Variants in CACNA1C observed in about 807,000 individuals in gnomAD.
CACNA1C encodes the protein calcium voltage-gated channel subunit alpha1 C, also known as voltage-dependent L-type calcium channel subunit alpha-1C.
CACNA1C carries 30 observed loss-of-function variants against 229.0 expected under a neutral mutation model. That is an observed-to-expected ratio of 0.13 (90% CI 0.10 to 0.18). The LOEUF is 0.18. Among genes scored for constraint, CACNA1C ranks in the 10% least tolerant of loss-of-function variants. CACNA1C has a pLI of 1.00. For synonymous variants in CACNA1C, 1,114 were observed against 1,132.5 expected (o/e 0.98, Z 0.33); for missense variants, 1,658 against 2,845.0 (o/e 0.58, Z 9.49).
chr12:2,250,868 C>T (rs1454307225), intron 3 of CACNA1C, among the ~76,000 whole-genome samples: 1 of 152,206 alleles, frequency 6.6e-6, no homozygotes, highest in Non-Finnish European at 1.5e-5. Flanking sequence ...TAGTCTTCAG[C>T]CTTGAAGCTG....
Position 2,696,617 on chromosome 12 carries a change from A to G in CACNA1C, c.*5418A>G, listed in dbSNP as rs2097844261. 2 of 152,122 alleles carry G rather than the reference A, an allele frequency of 1.3e-5. No individual in the cohort carries two copies. Among genetic ancestry groups the G allele is most frequent in the Admixed American group, 1.3e-4 (2 of 15,284 alleles). 9.4% of individuals were successfully genotyped at this position (152,122 alleles called of 1,614,324 possible). A position where few individuals can be genotyped will look rare whatever the true frequency, so the allele number is the denominator to read the frequency against. On this transcript the variant is annotated 3_prime_UTR_variant, in exon 47 of 47. Transcript: ENST00000399655. ...AGGTCATTATCCAAAAAAAAAAAAAAAAAGCTCTGGGTGGAAGAGTTTGTA... is the reference window on the plus strand; with the variant it reads ...AGGTCATTATCCAAAAAAAAAAAAAGAAAGCTCTGGGTGGAAGAGTTTGTA...
chr12:2,266,136 A>G (rs1303905156), intron 3 of CACNA1C, among the ~76,000 whole-genome samples: 2 of 152,226 alleles, frequency 1.3e-5, no homozygotes, highest in Non-Finnish European at 2.9e-5. Flanking sequence ...TGTGCCCATC[A>G]TTGGGCAAAA....
At chr12:2,570,592 C>G (rs2053819848) in intron 13 of CACNA1C, among the ~76,000 whole-genome samples, 1 of 152,122 alleles carries the variant, frequency 6.6e-6, no homozygotes, top group African/African-American at 2.4e-5. Flanking sequence ...TACGTATATA[C>G]TGTGTATTGA....
rs538156243 is a variant in CACNA1C, at chr12:2,044,592, A to C, written c.140-70632A>C. ...CCGTTCCAGGAATGTAAATATTTGG[A>C]ATTATTCCTATCAGTGTTATCTATA... is the stretch of plus-strand genomic sequence containing the variant. On this transcript the variant is annotated intron_variant, in intron 1 of 46. Coordinates refer to the CACNA1C transcript ENST00000682462. 3.3e-3 allele frequency among the ~76,000 whole-genome samples: 508 copies of C among 152,284 alleles called. 3 individuals carry two copies. The highest frequency in any genetic ancestry group is 0.012 in the African/African-American group (493 of 41,544).
At chr12:2,077,845 A>G (rs2063800242) in intron 1 of CACNA1C, among the ~76,000 whole-genome samples, 1 of 152,334 alleles carries the variant, frequency 6.6e-6, no homozygotes, top group Non-Finnish European at 1.5e-5. Context: ...GTCACCTTTG[A>G]GAGAGCAAAA....
intron 5 of CACNA1C, among the ~76,000 whole-genome samples, chr12:2,470,739 C>T (rs999797362): frequency 6.6e-6 from 1 of 152,212 alleles, no homozygotes; most frequent in Admixed American, 6.5e-5. Context: ...ACAGGAAGCA[C>T]TCAGCAAATA....
At chr12:2,525,857 G>T (rs768909390) in intron 9 of CACNA1C, among the ~76,000 whole-genome samples, 3 of 152,220 alleles carry the variant, frequency 2.0e-5, no homozygotes, top group Non-Finnish European at 4.4e-5. Context: ...GATACCTGCT[G>T]TAAGTACTGA....
intron 13 of CACNA1C, among the ~76,000 whole-genome samples, chr12:2,574,023 T>C (rs1435097006): frequency 1.3e-5 from 2 of 152,210 alleles, no homozygotes; most frequent in Admixed American, 6.5e-5. Context: ...CATCCTCTTG[T>C]TGAGAACACC....
At chr12:2,326,067 C>T (rs568031902) in intron 3 of CACNA1C, among the ~76,000 whole-genome samples, 18 of 152,288 alleles carry the variant, frequency 1.2e-4, no homozygotes, top group African/African-American at 4.3e-4. Flanking sequence ...CAGGACTCAC[C>T]CACATTTCAG....
At chr12:2,213,573 T>G (rs1168003924) in intron 3 of CACNA1C, among the ~76,000 whole-genome samples, 1 of 152,236 alleles carries the variant, frequency 6.6e-6, no homozygotes, top group Non-Finnish European at 1.5e-5. Flanking sequence ...TGGCAACAGC[T>G]TATTGTCATG....
At chr12:2,541,925 TGACGCATAAAAAGCTCCGA>T (rs1196061394) in intron 9 of CACNA1C, among the ~76,000 whole-genome samples, 23 of 152,160 alleles carry the variant, frequency 1.5e-4, no homozygotes, top group Admixed American at 1.5e-3. Context: ...CAGTCAGTCA[TGACGCATAAAAAGCTCCGA>T]GACGGGGGCC....
In CACNA1C at chr12:2,601,258, C is replaced by T. The variant is rs923584139; in HGVS notation, c.2854-596C>T. ...TGCCAGGGTCACCACTGGAACTTCT[C>T]ACCAGGCACCAGGGTGACCAGCTGG... On this transcript the variant is annotated intron_variant, in intron 21 of 46. Coordinates refer to ENST00000399655, the MANE Select transcript of CACNA1C (RefSeq NM_000719.7). The surrounding 1 kb of genome is among the most constrained non-coding windows in gnomAD (Gnocchi z 5.9). Among the ~76,000 whole-genome samples, 1 of 152,230 alleles carries T rather than the reference C, an allele frequency of 6.6e-6. No individual in the cohort carries two copies. The highest frequency in any genetic ancestry group is 2.4e-5 in the African/African-American group (1 of 41,454).
At chr12:2,043,203 T>A (rs1180611282) in intron 1 of CACNA1C, among the ~76,000 whole-genome samples, 1 of 152,242 alleles carries the variant, frequency 6.6e-6, no homozygotes, top group African/African-American at 2.4e-5. Flanking sequence ...ATTCAATGCA[T>A]CAGAACTTGG....
intron 3 of CACNA1C, among the ~76,000 whole-genome samples, chr12:2,416,894 G>C (rs568199780): frequency 1.3e-5 from 2 of 152,216 alleles, no homozygotes; most frequent in African/African-American, 4.8e-5. Flanking sequence ...GCAGAGGCCG[G>C]ATTCGAACCC....
chr12:2,170,895 T>C (rs1246100494), intron 3 of CACNA1C, among the ~76,000 whole-genome samples: 1 of 152,184 alleles, frequency 6.6e-6, no homozygotes. Context: ...GGCATGAGAA[T>C]GGGACCCACC....
chr12:2,264,088 C>T (rs1463010195), intron 3 of CACNA1C, among the ~76,000 whole-genome samples: 1 of 152,172 alleles, frequency 6.6e-6, no homozygotes, highest in Non-Finnish European at 1.5e-5. Context: ...CTGCAGAGCC[C>T]CTGTTGCACT....
intron 3 of CACNA1C, among the ~76,000 whole-genome samples, chr12:2,281,464 T>C (rs545801145): frequency 6.6e-6 from 1 of 152,362 alleles, no homozygotes; most frequent in East Asian, 1.9e-4. Flanking sequence ...AGTGCAAGTC[T>C]GCTAGGATTA....
intron 3 of CACNA1C, among the ~76,000 whole-genome samples, chr12:2,419,252 A>G (rs1488334511): frequency 6.6e-6 from 1 of 152,206 alleles, no homozygotes; most frequent in Non-Finnish European, 1.5e-5. Flanking sequence ...GGCCTCAGGA[A>G]GCTTCCAATC....
At chr12:1,996,074 A>G (rs1359107144) in intron 1 of CACNA1C, among the ~76,000 whole-genome samples, 1 of 152,084 alleles carries the variant, frequency 6.6e-6, no homozygotes, top group Non-Finnish European at 1.5e-5. Flanking sequence ...CACCATTGCA[A>G]TACCCTTTCC....
Sources: gnomAD v4.1 joint callset for allele counts (sites outside exome capture counted in the v4.1 genomes callset) on GRCh38, gnomAD v4.1.1 for gene constraint, Gnocchi (gnomAD v3.1) non-coding constraint, MANE v1.5 for transcripts, NCBI Gene and HGNC (gene_info 2026-07-23, HGNC 2026-07-21) for gene names.